ADAM23: variants seen among roughly 807,000 people sequenced by gnomAD.
ADAM23 encodes the protein disintegrin and metalloproteinase domain-containing protein 23.
In ADAM23, 33 loss-of-function variants were observed where a neutral mutation model predicts 120.1. The observed-to-expected ratio is 0.27, with a 90% CI of 0.21 to 0.37. The LOEUF (loss-of-function observed/expected upper bound fraction) is 0.37. ADAM23 is among the 10% of genes least tolerant of loss of function. The pLI, the probability that ADAM23 is intolerant of heterozygous loss-of-function variation, is 1.00. For synonymous variants in ADAM23, 367 were observed against 375.2 expected, an observed-to-expected ratio of 0.98 and a Z score of 0.25; for missense variants, 862 against 1,058.2, an observed-to-expected ratio of 0.81 and a Z score of 2.57.
chr2:206,530,345 A>G (rs1164549746), intron 3 of ADAM23, among the ~76,000 whole-genome samples: 1 of 152,178 alleles, frequency 6.6e-6, no homozygotes, highest in African/African-American at 2.4e-5. Flanking sequence ...CCTGGCCTTT[A>G]TAGAAAACCC....
At chr2:206,482,409 T>C (rs1238940041) in intron 3 of ADAM23, among the ~76,000 whole-genome samples, 1 of 152,214 alleles carries the variant, frequency 6.6e-6, no homozygotes. Flanking sequence ...ATAGAGCTAA[T>C]TTTAGTGTAA....
At chr2:206,491,317 C>T (rs1047046204) in intron 3 of ADAM23, among the ~76,000 whole-genome samples, 1 of 152,038 alleles carries the variant, frequency 6.6e-6, no homozygotes, top group African/African-American at 2.4e-5. Context: ...AAAAGAGGAC[C>T]CTGTGGCTAC....
At chr2:206,448,220 A>G (rs909201571) in intron 2 of ADAM23, among the ~76,000 whole-genome samples, 1 of 152,232 alleles carries the variant, frequency 6.6e-6, no homozygotes, top group African/African-American at 2.4e-5. Flanking sequence ...GGTAGTCTAG[A>G]GCAGGCAGGG....
chr2:206,572,143 A>G (rs1278870545), intron 17 of ADAM23, among the ~76,000 whole-genome samples: 1 of 152,206 alleles, frequency 6.6e-6, no homozygotes, highest in Non-Finnish European at 1.5e-5. Context: ...GGTCTTTTTA[A>G]TAATATGACC....
intron 14 of ADAM23, among the ~76,000 whole-genome samples, chr2:206,566,750 T>G (rs1191946243): frequency 1.3e-5 from 2 of 152,130 alleles, no homozygotes; most frequent in South Asian, 4.1e-4. Flanking sequence ...AATGCATTGT[T>G]GGCCTGCATG....
At chr2:206,583,310 C>T (rs920176848) in intron 18 of ADAM23, among the ~76,000 whole-genome samples, 1 of 152,080 alleles carries the variant, frequency 6.6e-6, no homozygotes, top group African/African-American at 2.4e-5. Context: ...AAAAATTAGC[C>T]GGGCGTGGTA....
chr2:206,457,052 A>G (rs1695315630), intron 2 of ADAM23, among the ~76,000 whole-genome samples: 1 of 152,236 alleles, frequency 6.6e-6, no homozygotes, highest in Non-Finnish European at 1.5e-5. Flanking sequence ...ATGTGAATCA[A>G]TCAATGCTTA....
chr2:206,448,697 C>T (rs1424440660), intron 2 of ADAM23, among the ~76,000 whole-genome samples: 4 of 152,194 alleles, frequency 2.6e-5, no homozygotes, highest in South Asian at 2.1e-4. Context: ...TGTAAGGAAG[C>T]ATCCATAAAC....
chr2:206,445,287 C>A lies in ADAM23; in HGVS notation c.215-20C>A, dbSNP rs1193616577. ...TGTATGTTTGTATTTTCTGCTCCCC[C>A]ACCCCCCTACCTCCACCAGCTCCGC... is the stretch of plus-strand genomic sequence containing the variant. On this transcript the variant is annotated intron_variant, in intron 1 of 25. Coordinates refer to ENST00000264377, the MANE Select transcript of ADAM23 (RefSeq NM_003812.4). 3.1e-6 allele frequency: 5 copies of A among 1,598,082 alleles called. No individual in the cohort carries two copies. The highest frequency in any genetic ancestry group is 2.2e-5 in the East Asian group (1 of 44,742).
chr2:206,600,028 C>T (rs1224331171), intron 24 of ADAM23, among the ~76,000 whole-genome samples: 4 of 152,104 alleles, frequency 2.6e-5, no homozygotes, highest in African/African-American at 4.8e-5. Context: ...AGTGAAGCCT[C>T]GTCTCTACTA....
intron 3 of ADAM23, among the ~76,000 whole-genome samples, chr2:206,512,290 G>C (rs560757356): frequency 6.6e-6 from 1 of 152,168 alleles, no homozygotes. Context: ...GTTAAGAATT[G>C]TAAGAATGAT....
At chr2:206,477,765 T>C (rs1301772000) in intron 2 of ADAM23, among the ~76,000 whole-genome samples, 1 of 151,548 alleles carries the variant, frequency 6.6e-6, no homozygotes, top group Non-Finnish European at 1.5e-5. Context: ...TCATTATCTC[T>C]AAAATCTGTT....
At chr2:206,548,453 T>A (rs747925141) in intron 8 of ADAM23, 99 bp downstream of exon 8, 103 of 1,151,748 alleles carry the variant, frequency 8.9e-5, no homozygotes, top group Non-Finnish European at 1.2e-4. Flanking sequence ...CAGTTCAGAT[T>A]TTGGGGACTG....
intron 3 of ADAM23, among the ~76,000 whole-genome samples, chr2:206,509,087 CT>C (rs2105899022): frequency 6.6e-6 from 1 of 152,314 alleles, no homozygotes; most frequent in African/African-American, 2.4e-5. Context: ...ATATTAGTTT[CT>C]TTTTCATTGT....
In ADAM23 at chr2:206,505,645, C is replaced by T. The variant is rs10166908; in HGVS notation, c.509+24337C>T. 4.3e-3 allele frequency among the ~76,000 whole-genome samples: 653 copies of T among 152,280 alleles called. 5 individuals are homozygous for T. The highest frequency in any genetic ancestry group is 0.015 in the African/African-American group (622 of 41,556). On this transcript the variant is annotated intron_variant, in intron 3 of 25. Coordinates refer to ENST00000264377, the MANE Select transcript of ADAM23 (RefSeq NM_003812.4). ...GATAACTTGCTCACTGTCACGAAAACAGCACTAAAGAGTGAATCCTCCCTC... is the reference window on the plus strand; with the variant it reads ...GATAACTTGCTCACTGTCACGAAAATAGCACTAAAGAGTGAATCCTCCCTC...
At chr2:206,444,159 G>C (rs1387619515) in intron 1 of ADAM23, 79 bp downstream of exon 1, 26 of 1,135,740 alleles carry the variant, frequency 2.3e-5, no homozygotes, top group Non-Finnish European at 2.9e-5. Flanking sequence ...GCGGGTCCGT[G>C]TGCTCCGGGC....
intron 9 of ADAM23, among the ~76,000 whole-genome samples, chr2:206,556,213 G>T (rs1296446178): frequency 6.6e-6 from 1 of 151,834 alleles, no homozygotes; most frequent in Non-Finnish European, 1.5e-5. Context: ...AATTTATTTA[G>T]CATTTATTAT....
intron 3 of ADAM23, among the ~76,000 whole-genome samples, chr2:206,497,270 C>T (rs1240002574): frequency 2.0e-5 from 3 of 152,014 alleles, no homozygotes; most frequent in Non-Finnish European, 2.9e-5. Context: ...ACTGGCAAAC[C>T]GAATCCAGCA....
intron 3 of ADAM23, among the ~76,000 whole-genome samples, chr2:206,491,190 T>C (rs1696127276): frequency 6.6e-6 from 1 of 151,952 alleles, no homozygotes; most frequent in Non-Finnish European, 1.5e-5. Flanking sequence ...ACAATAATTA[T>C]TGTGAGTGAC....
Sources: allele counts gnomAD v4.1 joint callset (sites outside exome capture counted in the v4.1 genomes callset), GRCh38; gene constraint gnomAD v4.1.1; transcripts MANE v1.5; gene names NCBI Gene and HGNC (gene_info 2026-07-23, HGNC 2026-07-21).